Variants in PTPRA observed in about 807,000 individuals in gnomAD.
The protein encoded by PTPRA is protein tyrosine phosphatase receptor type A, also known as receptor-type tyrosine-protein phosphatase alpha.
Under a neutral mutation model 104.8 loss-of-function variants are expected in PTPRA, and 25 were observed. The ratio of observed to expected loss-of-function variants is 0.24; its 90% CI spans 0.17 to 0.33. The LOEUF (loss-of-function observed/expected upper bound fraction) is 0.33, where lower values mean the gene tolerates loss of function less well. Among genes scored for constraint, PTPRA ranks in the 10% least tolerant of loss-of-function variants. The pLI is 1.00. For synonymous variants in PTPRA, 323 were observed against 368.9 expected (o/e 0.88, Z 1.43); for missense variants, 765 against 1,015.3 (o/e 0.75, Z 3.35).
rs1568702757 is a variant in PTPRA at position 3,022,242 on chromosome 20, T to TC, written c.1328+22_1328+23insC. ...GCAGGTCAGTGTGGCCTGACCCTTGTACCCCCACCCCCACATTTCGCCCCC... is the reference window on the plus strand; with the variant it reads ...GCAGGTCAGTGTGGCCTGACCCTTGTCACCCCCACCCCCACATTTCGCCCCC... On this transcript the variant is annotated intron_variant, in intron 15 of 23. Transcript: ENST00000399903. This position sits in a 1 kb window ranked among gnomAD's most constrained non-coding sequence, Gnocchi z 4.6. 6.2e-7 allele frequency: 1 copy of TC among 1,611,796 alleles called. No homozygotes were observed. The highest frequency in any genetic ancestry group is 1.1e-5 in the South Asian group (1 of 90,894).
intron 2 of PTPRA, among the ~76,000 whole-genome samples, chr20:2,935,223 TGTAA>T (rs1369131521): frequency 2.0e-5 from 3 of 152,204 alleles, no homozygotes; most frequent in African/African-American, 7.2e-5. Context: ...ACATTCCACG[TGTAA>T]GTGAGATCAT....
At chr20:3,036,193 G>C (rs1159961067) in intron 22 of PTPRA, among the ~76,000 whole-genome samples, 1 of 152,202 alleles carries the variant, frequency 6.6e-6, no homozygotes, top group Admixed American at 6.5e-5. Flanking sequence ...GAGACTGGCA[G>C]TGGAGACCCC....
At chr20:3,008,433 C>A (rs2063975458) in intron 11 of PTPRA, among the ~76,000 whole-genome samples, 1 of 152,036 alleles carries the variant, frequency 6.6e-6, no homozygotes, top group African/African-American at 2.4e-5. Context: ...GTAGAGTAGT[C>A]AAATTCACAG....
chr20:3,009,133 G>T (rs1255674420), intron 11 of PTPRA, among the ~76,000 whole-genome samples: 2 of 152,140 alleles, frequency 1.3e-5, no homozygotes, highest in Non-Finnish European at 2.9e-5. Flanking sequence ...GTTGTGTACT[G>T]AACAAATGAG....
intron 9 of PTPRA, among the ~76,000 whole-genome samples, chr20:3,001,588 C>T (rs1311001073): frequency 7.8e-6 from 1 of 128,374 alleles, no homozygotes; most frequent in Non-Finnish European, 1.7e-5. Context: ...TGGGTGGAAA[C>T]CTGTGGAAAT....
At chr20:3,027,879 C>CAG in intron 20 of PTPRA, 38 bp downstream of exon 20, 1 of 1,608,098 alleles carries the variant, frequency 6.2e-7, no homozygotes, top group Non-Finnish European at 8.5e-7. Context: ...GAGACAGAGA[C>CAG]AGCATGAAAA....
At chr20:2,916,955 A>C (rs1057269522) in intron 1 of PTPRA, among the ~76,000 whole-genome samples, 4 of 113,734 alleles carry the variant, frequency 3.5e-5, no homozygotes, top group East Asian at 3.0e-4. Context: ...CAGTTTTTTT[A>C]TTTCTTTTTT....
At chr20:2,866,481 G>A in the PTPRA span, 4 of 1,614,192 alleles carry the variant, frequency 2.5e-6, no homozygotes, top group African/African-American at 1.3e-5. Flanking sequence ...ATGAGGCTGA[G>A]CTGAGCCTCG....
intron 1 of PTPRA, among the ~76,000 whole-genome samples, chr20:2,874,938 T>C (rs1349710390): frequency 1.3e-5 from 2 of 152,180 alleles, no homozygotes; most frequent in African/African-American, 4.8e-5. Context: ...TGTTTTTGTT[T>C]TATGTGATCC....
chr20:2,981,804 G>A (rs538243185), intron 6 of PTPRA, among the ~76,000 whole-genome samples: 19 of 152,258 alleles, frequency 1.2e-4, no homozygotes, highest in African/African-American at 4.1e-4. Flanking sequence ...AGCTTGAGGT[G>A]TTTCCAGGCC....
At chr20:2,977,592 C>A (rs570634278) in intron 6 of PTPRA, among the ~76,000 whole-genome samples, 2 of 151,384 alleles carry the variant, frequency 1.3e-5, no homozygotes, top group East Asian at 3.9e-4. Context: ...TTGCAGTGAG[C>A]CAAGATTGCG....
Position 2,950,482 on chromosome 20 carries a change from C to CA in PTPRA, c.-7+2469dup, listed in dbSNP as rs932734815. ...TGAAACCCCGTCTCTACTAAAAATACAAAAAAAAAAATTAGCCGGGCGTGG... is the reference window on the plus strand; with the variant it reads ...TGAAACCCCGTCTCTACTAAAAATACAAAAAAAAAAAATTAGCCGGGCGTGG... On this transcript the variant is annotated intron_variant, in intron 3 of 23. Coordinates refer to ENST00000399903, the MANE Select transcript of PTPRA (RefSeq NM_001385305.1). The surrounding 1 kb of genome is among the most constrained non-coding windows in gnomAD (Gnocchi z 4.0). 4.5e-3 allele frequency among the ~76,000 whole-genome samples: 650 copies of CA among 144,136 alleles called. 4 individuals carry two copies. Among genetic ancestry groups the CA allele is most frequent in the African/African-American group, 0.015 (582 of 39,580 alleles). 94.6% of individuals were successfully genotyped at this position (144,136 alleles called of 152,430 possible).
chr20:2,912,259 T>C (rs1250038959), intron 1 of PTPRA, among the ~76,000 whole-genome samples: 1 of 143,568 alleles, frequency 7.0e-6, no homozygotes, highest in Non-Finnish European at 1.5e-5. Context: ...AAAACAAATT[T>C]TGAAAATATA....
intron 2 of PTPRA, among the ~76,000 whole-genome samples, chr20:2,924,275 G>A (rs188609528): frequency 6.5e-4 from 99 of 152,274 alleles, no homozygotes; most frequent in Admixed American, 1.6e-3. Flanking sequence ...GGTGGCTCAC[G>A]CCTGTAATCC....
chr20:2,991,293 A>C (rs1427769289), intron 9 of PTPRA, among the ~76,000 whole-genome samples: 1 of 150,908 alleles, frequency 6.6e-6, no homozygotes, highest in African/African-American at 2.4e-5. Context: ...TGAACCTGGG[A>C]GGCGGAGGTT....
intron 1 of PTPRA, among the ~76,000 whole-genome samples, chr20:2,884,812 G>GTTTTTTTTTTTTTTTTTT (rs34457101): frequency 7.9e-6 from 1 of 127,030 alleles, no homozygotes; most frequent in Non-Finnish European, 1.6e-5. Flanking sequence ...TGTTTTTTTT[G>GTTTTTTTTTTTTTTTTTT]TTTTTTTTTT....
intron 1 of PTPRA, among the ~76,000 whole-genome samples, chr20:2,877,934 T>G (rs1342280589): frequency 2.0e-5 from 3 of 151,854 alleles, no homozygotes; most frequent in Non-Finnish European, 4.4e-5. Context: ...AGGTGGATCA[T>G]GAGGTCAAGA....
At chr20:2,967,738 G>C (rs2061999553) in intron 5 of PTPRA, among the ~76,000 whole-genome samples, 1 of 152,116 alleles carries the variant, frequency 6.6e-6, no homozygotes. Flanking sequence ...GCATGTGCTT[G>C]TAGTCCCAGC....
At chr20:2,973,782 A>G (rs113052763) in intron 5 of PTPRA, among the ~76,000 whole-genome samples, 13 of 152,076 alleles carry the variant, frequency 8.5e-5, no homozygotes, top group South Asian at 2.1e-4. Flanking sequence ...AGTCTCAAAT[A>G]TAGTCTGCCA....
Sources: gnomAD v4.1 joint callset for allele counts (sites outside exome capture counted in the v4.1 genomes callset) on GRCh38, gnomAD v4.1.1 for gene constraint, Gnocchi (gnomAD v3.1) non-coding constraint, MANE v1.5 for transcripts, NCBI Gene and HGNC (gene_info 2026-07-23, HGNC 2026-07-21) for gene names.